Variants in SPG11 observed in about 807,000 individuals in gnomAD.
The protein encoded by SPG11 is spatacsin.
SPG11 carries 222 observed loss-of-function variants against 274.0 expected under a neutral mutation model. That is an observed-to-expected ratio of 0.81 (90% CI 0.73 to 0.91). The LOEUF (loss-of-function observed/expected upper bound fraction) is 0.91. Among genes scored for constraint, SPG11 ranks in the 40% least tolerant of loss-of-function variants. The pLI, the probability that SPG11 is intolerant of heterozygous loss-of-function variation, is 0.00. For missense variants in SPG11, 3,114 were observed against 2,872.7 expected, an observed-to-expected ratio of 1.08 and a Z score of -1.92; for synonymous variants, 1,144 against 1,039.7, an observed-to-expected ratio of 1.10 and a Z score of -1.93.
intron 31 of SPG11, 50 bp from the exon 32 acceptor site, chr15:44,573,795 A>C (rs1313892811): frequency 6.4e-7 from 1 of 1,573,248 alleles, no homozygotes; most frequent in Admixed American, 1.7e-5. Context: ...GCCAGGAAAA[A>C]GCAAAAGAGC....
intron 18 of SPG11, among the ~76,000 whole-genome samples, chr15:44,609,518 A>G (rs2083405841): frequency 6.6e-6 from 1 of 152,126 alleles, no homozygotes; most frequent in Admixed American, 6.6e-5. Flanking sequence ...CCCTCAATAC[A>G]GTTTATATGG....
rs573974696 is a variant in SPG11, at chr15:44,636,410, A to G, written c.1603-2773T>C. Among the ~76,000 whole-genome samples the G allele has an allele frequency of 2.0e-5, 3 of 151,954 alleles. No individual in the cohort carries two copies. The East Asian group carries it at 5.8e-4, about 29-fold the overall frequency. On this transcript the variant is annotated intron_variant, in intron 7 of 39. Transcript: ENST00000261866. Reference sequence around the variant, plus strand: ...AGAGTGAAGGATTATAAAGTTTGCAACTTTAAAATGGTTAAGAAAAAAAAA... The same window carrying G: ...AGAGTGAAGGATTATAAAGTTTGCAGCTTTAAAATGGTTAAGAAAAAAAAA...
At chr15:44,611,164 A>C (rs2141006248) in intron 17 of SPG11, among the ~76,000 whole-genome samples, 179 bp from the exon 18 acceptor site, 1 of 152,008 alleles carries the variant, frequency 6.6e-6, no homozygotes, top group Middle Eastern at 3.4e-3. Flanking sequence ...AGAGGGAAAA[A>C]ATGAAAGATT....
At chr15:44,573,391 A>G (rs778253073) in intron 32 of SPG11, 156 bp downstream of exon 32, 76 of 747,744 alleles carry the variant, frequency 1.0e-4, no homozygotes, top group Middle Eastern at 8.0e-4. Context: ...AAAATAAAGC[A>G]TGTATTTTGT....
At chr15:44,567,349 CAA>C (rs397853802) in intron 36 of SPG11, 73 bp downstream of exon 36, 40,412 of 1,108,592 alleles carry the variant, frequency 0.036, no homozygotes, top group Middle Eastern at 0.04. Context: ...GACTCTGTCT[CAA>C]AAAAAAAAAA....
intron 19 of SPG11, among the ~76,000 whole-genome samples, chr15:44,606,764 T>C (rs1190037770): frequency 6.6e-6 from 1 of 152,160 alleles, no homozygotes; most frequent in East Asian, 1.9e-4. Flanking sequence ...CTAAGGAAGA[T>C]TTTGTGATCT....
chr15:44,654,583 A>G (rs539473078), intron 4 of SPG11, among the ~76,000 whole-genome samples: 1 of 152,328 alleles, frequency 6.6e-6, no homozygotes, highest in African/African-American at 2.4e-5. Flanking sequence ...TCACGCCTGT[A>G]ATCCCAGCAT....
At chr15:44,586,119 G>A (rs910508268) in intron 28 of SPG11, among the ~76,000 whole-genome samples, 4 of 151,090 alleles carry the variant, frequency 2.6e-5, no homozygotes, top group African/African-American at 4.9e-5. Flanking sequence ...TGAGTAGTGG[G>A]GACTACAGGT....
At chr15:44,645,892 C>T (rs1434422540) in intron 7 of SPG11, among the ~76,000 whole-genome samples, 1 of 152,158 alleles carries the variant, frequency 6.6e-6, no homozygotes, top group Admixed American at 6.5e-5. Flanking sequence ...CTCAATATCA[C>T]TTAACATTAG....
rs1361340187 is a variant in SPG11 at position 44,587,710 on chromosome 15, A to AAC, written c.4906+1541_4906+1542insGT. Among the ~76,000 whole-genome samples the AAC allele has an allele frequency of 6.0e-5, 9 of 150,914 alleles. 1 individual carries two copies. The highest frequency in any genetic ancestry group is 5.3e-4 in the Admixed American group (8 of 15,156). ...GACTGTCTCAAAAAAAAAAAAAAAA[A>AAC]AAAAAAAAAACGTATTCCTGTTCTC... On this transcript the variant is annotated intron_variant, in intron 28 of 39. Coordinates refer to ENST00000261866, the MANE Select transcript of SPG11 (RefSeq NM_025137.4).
At chr15:44,592,310 A>G (rs1165637392) in intron 27 of SPG11, 21 bp downstream of exon 27, 2 of 1,433,180 alleles carry the variant, frequency 1.4e-6, no homozygotes, top group East Asian at 2.3e-5. Flanking sequence ...AGTGAGAAAG[A>G]GCACCATAAT....
Position 44,566,318 on chromosome 15 carries a change from TAAAG to T in SPG11, c.6755-17_6755-14del. 6.2e-7 allele frequency: 1 copy of T among 1,612,886 alleles called. No homozygotes were observed. Among genetic ancestry groups the T allele is most frequent in the Non-Finnish European group, 8.5e-7 (1 of 1,179,420 alleles). On this transcript the variant is annotated splice_polypyrimidine_tract_variant and intron_variant, in intron 36 of 39. Transcript: ENST00000261866. ...TTGAGGCTGTCCTCTGTAGGGGAAA[TAAAG>T]AAGATTTGCCGAGTCTGACTCCCAA...
chr15:44,593,981 G>A (rs2082968705), intron 26 of SPG11, among the ~76,000 whole-genome samples: 1 of 149,142 alleles, frequency 6.7e-6, no homozygotes, highest in Non-Finnish European at 1.5e-5. Flanking sequence ...TGTTGGCCAG[G>A]CTCATCACAA....
At chr15:44,598,494 G>A (rs923779419) in intron 22 of SPG11, 121 bp from the exon 23 acceptor site, 1 of 1,248,532 alleles carries the variant, frequency 8.0e-7, no homozygotes, top group East Asian at 2.4e-5. Flanking sequence ...AAGAAAGTGA[G>A]ACAAAGAACA....
At chr15:44,629,825 C>T (rs1054500914) in intron 8 of SPG11, among the ~76,000 whole-genome samples, 1 of 151,242 alleles carries the variant, frequency 6.6e-6, no homozygotes, top group Admixed American at 6.6e-5. Context: ...AATCCCAACA[C>T]TTTGGGAGGC....
At chr15:44,597,936 T>C (rs1218791041) in intron 23 of SPG11, among the ~76,000 whole-genome samples, 2 of 152,230 alleles carry the variant, frequency 1.3e-5, no homozygotes, top group Non-Finnish European at 2.9e-5. Flanking sequence ...CCAAGACATC[T>C]GAACCCACAT....
chr15:44,651,539 T>A lies in SPG11; in HGVS notation c.1408A>T (p.Ile470Phe). Residue 470 changes from isoleucine (I) to phenylalanine (F), a missense_variant, in exon 6 of 40, where the codon ATT (isoleucine) becomes TTT (phenylalanine). Coordinates refer to ENST00000261866, the MANE Select transcript of SPG11 (RefSeq NM_025137.4). ...TGGTCTCCACTACTGTCTACAGGAA[T>A]ACACTTTGTGCCAAGGGAAAAACAC... is the stretch of plus-strand genomic sequence containing the variant. ...MQCFSLGTKC[I>F]PVDSSGDQQL... 4 of 1,614,188 alleles carry A rather than the reference T, an allele frequency of 2.5e-6. No individual in the cohort carries two copies. Among genetic ancestry groups the A allele is most frequent in the Non-Finnish European group, 3.4e-6 (4 of 1,180,022 alleles).
chr15:44,567,466 C>A lies in SPG11; in HGVS notation c.6712G>T (p.Ala2238Ser). Reference protein sequence around the residue: ...CREIGENHEAAARIQLKLIES... With the variant: ...CREIGENHEASARIQLKLIES... ...ATCAATTTCAGTTGGATGCGGGCAG[C>A]TGCCTCGTGGTTCTCGCCAATCTCC... Residue 2238 changes from alanine to serine, a missense_variant, in exon 36 of 40, where the codon GCT (alanine) becomes TCT (serine). By Grantham distance (99) the Ala-to-Ser change is moderately conservative. Transcript: ENST00000261866. The A allele has an allele frequency of 1.2e-6, 2 of 1,614,062 alleles. No homozygotes were observed. The highest frequency in any genetic ancestry group is 1.7e-6 in the Non-Finnish European group (2 of 1,179,996).
rs2083434916 is a variant in SPG11, at chr15:44,610,566, T to C, written c.3291+274A>G. 2.7e-5 allele frequency among the ~76,000 whole-genome samples: 4 copies of C among 149,934 alleles called. No individual in the cohort carries two copies. The South Asian group carries it at 8.4e-4, about 32-fold the overall frequency. ...CCCAGTGAAGTTTTTTTAGTACAGA[T>C]GGTGTTTCACCACGTTGGCCAGGCT... is the stretch of plus-strand genomic sequence containing the variant. On this transcript the variant is annotated intron_variant, in intron 18 of 39. Coordinates refer to ENST00000261866, the MANE Select transcript of SPG11 (RefSeq NM_025137.4).
Sources: allele counts gnomAD v4.1 joint callset (sites outside exome capture counted in the v4.1 genomes callset), GRCh38; gene constraint gnomAD v4.1.1; transcripts MANE v1.5; gene names NCBI Gene and HGNC (gene_info 2026-07-23, HGNC 2026-07-21).